The following KANK4 variants were observed in gnomAD, a reference collection of about 807,000 sequenced individuals.
The protein encoded by KANK4 is KN motif and ankyrin repeat domain-containing protein 4.
Under a neutral mutation model 80.8 loss-of-function variants are expected in KANK4, and 50 were observed. That is an observed-to-expected ratio of 0.62 (90% confidence interval 0.49 to 0.78). KANK4 has a LOEUF of 0.78. Ranked by LOEUF, KANK4 falls within the 30% of genes least tolerant of loss-of-function variation. The probability of loss-of-function intolerance (pLI) is 0.00; values close to 1 mark genes in which losing one functional copy is unlikely to be tolerated. For missense variants in KANK4, 1,196 were observed against 1,240.1 expected (o/e 0.96, Z 0.53); for synonymous variants, 465 against 506.9 (o/e 0.92, Z 1.11).
intron 1 of KANK4, among the ~76,000 whole-genome samples, chr1:62,313,307 A>C (rs1451360272): frequency 6.6e-6 from 1 of 152,180 alleles, no homozygotes; most frequent in Non-Finnish European, 1.5e-5. Flanking sequence ...ACTGTACTGC[A>C]TTTTATGGCT....
intron 2 of KANK4, among the ~76,000 whole-genome samples, chr1:62,277,534 C>A (rs1672339974): frequency 6.6e-6 from 1 of 152,168 alleles, no homozygotes; most frequent in African/African-American, 2.4e-5. Context: ...ATCTTGAAGG[C>A]TAGGTCATAA....
intron 7 of KANK4, among the ~76,000 whole-genome samples, chr1:62,255,314 C>A (rs1043735035): frequency 3.9e-5 from 6 of 152,154 alleles, no homozygotes; most frequent in Non-Finnish European, 8.8e-5. Flanking sequence ...AGGCATAGAC[C>A]GATAACTGTT....
intron 1 of KANK4, among the ~76,000 whole-genome samples, chr1:62,291,969 C>A (rs972722615): frequency 5.3e-5 from 8 of 152,116 alleles, no homozygotes; most frequent in East Asian, 3.9e-4. Context: ...AAAGATCACC[C>A]TCTATTTCCA....
intron 1 of KANK4, among the ~76,000 whole-genome samples, chr1:62,302,221 C>T (rs182339745): frequency 1.3e-5 from 2 of 151,870 alleles, no homozygotes; most frequent in African/African-American, 4.8e-5. Flanking sequence ...GAGAAAGGGA[C>T]AGTAGCTCCA....
chr1:62,299,097 G>A lies in KANK4; in HGVS notation c.-70-17463C>T, dbSNP rs112976979. ...AGTGTTTTGCTCTGTTGCCCAGGCCGGAGTGCTGGATTACAGTGGTTAAAA... is the reference window on the plus strand; with the variant it reads ...AGTGTTTTGCTCTGTTGCCCAGGCCAGAGTGCTGGATTACAGTGGTTAAAA... On this transcript the variant is annotated intron_variant, in intron 1 of 9. Coordinates refer to ENST00000371153, the MANE Select transcript of KANK4 (RefSeq NM_181712.5). Among the ~76,000 whole-genome samples the A allele has an allele frequency of 9.5e-3, 1,446 of 151,962 alleles. 23 individuals carry two copies. Among genetic ancestry groups the A allele is most frequent in the African/African-American group, 0.033 (1,355 of 41,436 alleles).
intron 6 of KANK4, among the ~76,000 whole-genome samples, chr1:62,266,356 C>A (rs1672018956): frequency 6.6e-6 from 1 of 151,264 alleles, no homozygotes; most frequent in African/African-American, 2.4e-5. Flanking sequence ...CCACTGCACA[C>A]ACACCACTGC....
chr1:62,251,945 T>C (rs773404859), intron 8 of KANK4, among the ~76,000 whole-genome samples: 2 of 143,800 alleles, frequency 1.4e-5, no homozygotes, highest in African/African-American at 2.6e-5. Context: ...TGAGCCGAGA[T>C]CAAGCCATTG....
At chr1:62,304,634 T>C (rs1391107734) in intron 1 of KANK4, among the ~76,000 whole-genome samples, 1 of 152,046 alleles carries the variant, frequency 6.6e-6, no homozygotes, top group Non-Finnish European at 1.5e-5. Context: ...CCAGTCTCTT[T>C]AGGACACTAA....
At chr1:62,253,962 T>C (rs1476764836) in intron 7 of KANK4, among the ~76,000 whole-genome samples, 1 of 152,210 alleles carries the variant, frequency 6.6e-6, no homozygotes, top group Non-Finnish European at 1.5e-5. Context: ...CCTGCCCATA[T>C]GCCTGGAATG....
chr1:62,289,406 T>C (rs1388202029), intron 1 of KANK4, among the ~76,000 whole-genome samples: 3 of 152,126 alleles, frequency 2.0e-5, no homozygotes, highest in South Asian at 4.1e-4. Flanking sequence ...AATGTTTTTT[T>C]CAAAGAGCCT....
chr1:62,313,780 T>C (rs1390977606), intron 1 of KANK4, among the ~76,000 whole-genome samples: 1 of 152,084 alleles, frequency 6.6e-6, no homozygotes, highest in East Asian at 1.9e-4. Context: ...GACGGGTTGA[T>C]AGGTGCAGCA....
chr1:62,296,555 T>G (rs759241726), intron 1 of KANK4, among the ~76,000 whole-genome samples: 4 of 152,274 alleles, frequency 2.6e-5, no homozygotes, highest in South Asian at 2.1e-4. Flanking sequence ...TTTTGGTTTT[T>G]GTTTTTGTTT....
intron 1 of KANK4, among the ~76,000 whole-genome samples, chr1:62,315,821 G>A (rs541642788): frequency 9.9e-5 from 15 of 152,234 alleles, no homozygotes; most frequent in East Asian, 7.7e-4. Context: ...CATACCTACC[G>A]AAGTGCAGGT....
intron 1 of KANK4, among the ~76,000 whole-genome samples, chr1:62,302,947 T>C (rs1357393713): frequency 6.6e-6 from 1 of 151,580 alleles, no homozygotes; most frequent in African/African-American, 2.4e-5. Flanking sequence ...TTTCTGGAGG[T>C]GGGAAGAGAA....
chr1:62,319,080 G>C (rs1293151049), intron 1 of KANK4, 26 bp downstream of exon 1: 1 of 152,242 alleles, frequency 6.6e-6, no homozygotes, highest in Non-Finnish European at 1.5e-5. Flanking sequence ...CGCACTGCGG[G>C]GGACTGGGGT....
At chr1:62,283,043 G>C (rs879483942) in intron 1 of KANK4, among the ~76,000 whole-genome samples, 2 of 152,168 alleles carry the variant, frequency 1.3e-5, no homozygotes, top group African/African-American at 2.4e-5. Context: ...AGGCAGGCTT[G>C]CCCTTGTTAT....
intron 1 of KANK4, among the ~76,000 whole-genome samples, chr1:62,312,646 G>T (rs1423964043): frequency 6.6e-6 from 1 of 152,204 alleles, no homozygotes; most frequent in African/African-American, 2.4e-5. Flanking sequence ...GCCCAAGGAG[G>T]ACCCCTGCCA....
chr1:62,269,980 C>G (rs1185472178), intron 4 of KANK4, among the ~76,000 whole-genome samples: 1 of 152,160 alleles, frequency 6.6e-6, no homozygotes, highest in Non-Finnish European at 1.5e-5. Context: ...TTAAAAGCTC[C>G]CCTGGTGTTT....
At chr1:62,256,873 T>G (rs969977727) in intron 7 of KANK4, among the ~76,000 whole-genome samples, 1 of 152,216 alleles carries the variant, frequency 6.6e-6, no homozygotes, top group Non-Finnish European at 1.5e-5. Flanking sequence ...TCTGTCCTGA[T>G]ACGGAAGTGA....
Sources: gnomAD v4.1 joint callset for allele counts (sites outside exome capture counted in the v4.1 genomes callset) on GRCh38, gnomAD v4.1.1 for gene constraint, MANE v1.5 for transcripts, NCBI Gene and HGNC (gene_info 2026-07-23, HGNC 2026-07-21) for gene names.